Variants in DENND1B observed in about 807,000 individuals in gnomAD.
The protein encoded by DENND1B is DENN domain-containing protein 1B.
Under a neutral mutation model 90.1 loss-of-function variants are expected in DENND1B, and 59 were observed. The observed-to-expected ratio is 0.65, with a 90% CI of 0.53 to 0.81. DENND1B has a LOEUF of 0.81. DENND1B is among the 40% of genes least tolerant of loss of function. The probability of loss-of-function intolerance (pLI) is 0.00; values close to 1 mark genes in which losing one functional copy is unlikely to be tolerated. For missense variants in DENND1B, 862 were observed against 912.6 expected (o/e 0.94, Z 0.71); for synonymous variants, 337 against 324.6 (o/e 1.04, Z -0.41).
chr1:197,683,028 TTGTC>T (rs1656852056), intron 3 of DENND1B, among the ~76,000 whole-genome samples: 1 of 152,056 alleles, frequency 6.6e-6, no homozygotes, highest in African/African-American at 2.4e-5. Context: ...CAGCGAGTGT[TTGTC>T]TGGGGTAGGG....
upstream of DENND1B, among the ~76,000 whole-genome samples, chr1:197,777,128 C>A (rs1158752615): frequency 1.3e-5 from 2 of 152,034 alleles, no homozygotes; most frequent in African/African-American, 4.8e-5. Context: ...CTAAAAGCCA[C>A]TTCTGCCCCA....
At chr1:197,720,091 A>T (rs1661018082) in intron 2 of DENND1B, among the ~76,000 whole-genome samples, 1 of 152,200 alleles carries the variant, frequency 6.6e-6, no homozygotes, top group Admixed American at 6.5e-5. Flanking sequence ...TTCTTAAAAG[A>T]GTCTCATCTA....
intron 15 of DENND1B, among the ~76,000 whole-genome samples, chr1:197,567,000 G>A (rs1460852393): frequency 1.3e-5 from 2 of 152,046 alleles, no homozygotes; most frequent in African/African-American, 4.8e-5. Flanking sequence ...GACAGAAATA[G>A]TGACAGTAAA....
chr1:197,612,030 C>T, intron 11 of DENND1B, 54 bp from the exon 12 acceptor site: 2 of 1,375,496 alleles, frequency 1.5e-6, no homozygotes, highest in South Asian at 2.4e-5. Flanking sequence ...AAAACTGAAA[C>T]AACAGTATAA....
At chr1:197,687,664 C>T (rs1657392363) in intron 3 of DENND1B, among the ~76,000 whole-genome samples, 1 of 152,152 alleles carries the variant, frequency 6.6e-6, no homozygotes. Flanking sequence ...GTGAGACTAT[C>T]TCAAAATAAT....
rs12132165 is a variant in DENND1B, at chr1:197,509,155, G to A, written c.*1305C>T. 0.086 allele frequency: 12,969 copies of A among 151,482 alleles called. 786 individuals are homozygous for A. Among genetic ancestry groups the A allele is most frequent in the Non-Finnish European group, 0.13 (9,019 of 67,722 alleles). 9.4% of individuals were successfully genotyped at this position (151,482 alleles called of 1,614,324 possible). A position where few individuals can be genotyped will look rare whatever the true frequency, so the allele number is the denominator to read the frequency against. ...GATGAAAATGGCACTTTACTTCTGTGATCATCTCCTCAAAACCCACAATCC... is the reference window on the plus strand; with the variant it reads ...GATGAAAATGGCACTTTACTTCTGTAATCATCTCCTCAAAACCCACAATCC... On this transcript the variant is annotated 3_prime_UTR_variant, in exon 23 of 23. Transcript: ENST00000620048.
At chr1:197,691,262 A>AC (rs1319424544) in intron 3 of DENND1B, among the ~76,000 whole-genome samples, 1 of 139,014 alleles carries the variant, frequency 7.2e-6, no homozygotes, top group African/African-American at 2.9e-5. Context: ...CTTAACAGCA[A>AC]AAAAAAAAAA....
intron 10 of DENND1B, among the ~76,000 whole-genome samples, chr1:197,625,449 C>T (rs1484802706): frequency 8.5e-5 from 13 of 152,058 alleles, no homozygotes; most frequent in African/African-American, 2.7e-4. Flanking sequence ...AAATACTTTA[C>T]AGACAAGCAA....
At chr1:197,536,160 T>TAGATTAGATG (rs71131774) in intron 20 of DENND1B, among the ~76,000 whole-genome samples, 1 of 126,234 alleles carries the variant, frequency 7.9e-6, no homozygotes, top group Non-Finnish European at 1.6e-5. Context: ...GAGAGAGAGA[T>TAGATTAGATG]AGATGAGATG....
chr1:197,708,071 G>A (rs1343857934), intron 3 of DENND1B, among the ~76,000 whole-genome samples: 1 of 143,266 alleles, frequency 7.0e-6, no homozygotes, highest in Non-Finnish European at 1.5e-5. Context: ...TGGCTCAGAG[G>A]GTCCTACGCC....
intron 15 of DENND1B, among the ~76,000 whole-genome samples, chr1:197,565,115 T>C (rs913414388): frequency 5.9e-5 from 9 of 152,048 alleles, no homozygotes; most frequent in Non-Finnish European, 2.9e-5. Flanking sequence ...CATTTACTAG[T>C]AATACAAGTG....
rs1233665156 is a variant in DENND1B, at chr1:197,674,080, T to C, written c.176+40A>G. On this transcript the variant is annotated intron_variant, in intron 4 of 22. Transcript: ENST00000620048. ...TGTAATCATTTTCAAGTATGTACTA[T>C]AAGAATCTACATTTATTTTAAATGA... The C allele has an allele frequency of 2.1e-6, 3 of 1,400,452 alleles. No individual in the cohort carries two copies. The African/African-American group carries it at 4.4e-5, about 20-fold the overall frequency. The allele number at this position is 1,400,452 out of a possible 1,614,324, so 86.8% of individuals were successfully genotyped here.
At chr1:197,648,340 T>C (rs901574830) in intron 7 of DENND1B, among the ~76,000 whole-genome samples, 28 of 152,304 alleles carry the variant, frequency 1.8e-4, no homozygotes, top group East Asian at 1.7e-3. Flanking sequence ...ACTTAGTGAC[T>C]GTAACTTAAC....
chr1:197,692,594 C>A (rs757720940), intron 3 of DENND1B, among the ~76,000 whole-genome samples: 1 of 151,778 alleles, frequency 6.6e-6, no homozygotes, highest in Non-Finnish European at 1.5e-5. Flanking sequence ...TGCCCCATAT[C>A]CTATAAATAA....
At chr1:197,539,300 A>G (rs1260714084) in intron 20 of DENND1B, among the ~76,000 whole-genome samples, 2 of 152,144 alleles carry the variant, frequency 1.3e-5, no homozygotes, top group South Asian at 4.1e-4. Flanking sequence ...CCAGTTCTGT[A>G]ATTTTGTAGC....
chr1:197,714,301 G>A (rs560059425), intron 3 of DENND1B, among the ~76,000 whole-genome samples: 2 of 151,444 alleles, frequency 1.3e-5, no homozygotes, highest in South Asian at 2.1e-4. Context: ...CAAAAAATTG[G>A]CAAAAAAATC....
chr1:197,575,941 G>A (rs1037783287), intron 15 of DENND1B, among the ~76,000 whole-genome samples: 4 of 152,168 alleles, frequency 2.6e-5, no homozygotes, highest in Non-Finnish European at 5.9e-5. Flanking sequence ...GCAGGTAGGG[G>A]CCTGGGGGAG....
intron 10 of DENND1B, among the ~76,000 whole-genome samples, chr1:197,618,691 C>T (rs1357113335): frequency 1.3e-5 from 2 of 151,040 alleles, no homozygotes; most frequent in Admixed American, 1.3e-4. Flanking sequence ...ATTAAATCAG[C>T]ATTCTTAATC....
chr1:197,570,333 T>C (rs141326467), intron 15 of DENND1B, among the ~76,000 whole-genome samples: 1 of 152,106 alleles, frequency 6.6e-6, no homozygotes, highest in Non-Finnish European at 1.5e-5. Flanking sequence ...TAGCTGAGAA[T>C]GATCTCCCCT....
Sources: gnomAD v4.1 joint callset for allele counts (sites outside exome capture counted in the v4.1 genomes callset) on GRCh38, gnomAD v4.1.1 for gene constraint, MANE v1.5 for transcripts, NCBI Gene and HGNC (gene_info 2026-07-23, HGNC 2026-07-21) for gene names.